The following STK31 variants were observed in gnomAD, a reference collection of about 807,000 sequenced individuals.
The protein encoded by STK31 is serine/threonine kinase 31.
STK31 carries 89 observed loss-of-function variants against 129.7 expected under a neutral mutation model. The observed-to-expected ratio is 0.69, with a 90% confidence interval of 0.58 to 0.82. The LOEUF is 0.82. Ranked by LOEUF, STK31 falls within the 40% of genes least tolerant of loss-of-function variation. The pLI is 0.00. For missense variants in STK31, 1,187 were observed against 1,176.4 expected, an observed-to-expected ratio of 1.01 and a Z score of -0.13; for synonymous variants, 448 against 395.3, an observed-to-expected ratio of 1.13 and a Z score of -1.58.
In STK31 at chr7:23,710,859, T is replaced by C. The variant is rs546945883; in HGVS notation, c.50+524T>C. 1.9e-5 allele frequency: 18 copies of C among 928,410 alleles called. No homozygotes were observed. In the South Asian group the frequency reaches 7.7e-4, roughly 40 times the overall value. 57.5% of individuals were successfully genotyped at this position (928,410 alleles called of 1,614,324 possible). ...AGATTTCCAAAGTAATTTTAACTTTTACTGAATTTAAGCCTTAATGCTTTC... is the reference window on the plus strand; with the variant it reads ...AGATTTCCAAAGTAATTTTAACTTTCACTGAATTTAAGCCTTAATGCTTTC... On this transcript the variant is annotated intron_variant, in intron 1 of 23. Coordinates refer to ENST00000355870, the MANE Select transcript of STK31 (RefSeq NM_031414.5).
intron 11 of STK31, among the ~76,000 whole-genome samples, chr7:23,765,034 CT>C (rs1257966974): frequency 6.6e-6 from 1 of 151,656 alleles, no homozygotes; most frequent in Non-Finnish European, 1.5e-5. Context: ...AACATCTTTT[CT>C]TTTTTTCTAT....
intron 23 of STK31, among the ~76,000 whole-genome samples, chr7:23,825,941 C>G (rs1356284774): frequency 2.0e-5 from 3 of 152,016 alleles, no homozygotes; most frequent in Non-Finnish European, 2.9e-5. Flanking sequence ...AGTTCTAGTT[C>G]ATTGCACTGT....
chr7:23,736,734 C>T (rs1562560048), intron 7 of STK31, among the ~76,000 whole-genome samples, 170 bp from the exon 8 acceptor site: 1 of 151,928 alleles, frequency 6.6e-6, no homozygotes, highest in Non-Finnish European at 1.5e-5. Context: ...GTTATAAAAT[C>T]TTGTTTGCAT....
intron 23 of STK31, among the ~76,000 whole-genome samples, chr7:23,827,678 TAG>T: frequency 6.6e-6 from 1 of 152,252 alleles, no homozygotes; most frequent in East Asian, 1.9e-4. Flanking sequence ...CTCTGATTTT[TAG>T]AGTTTCCGGT....
At chr7:23,717,168 A>G (rs1786394869) in intron 3 of STK31, among the ~76,000 whole-genome samples, 1 of 122,828 alleles carries the variant, frequency 8.1e-6, no homozygotes, top group African/African-American at 3.2e-5. Flanking sequence ...TCCCAGGATC[A>G]TCTTTTATTT....
Position 23,729,928 on chromosome 7 carries a change from A to G in STK31, c.483+679A>G, listed in dbSNP as rs138257856. Among the ~76,000 whole-genome samples the G allele has an allele frequency of 2.0e-3, 307 of 152,332 alleles. 1 individual carries two copies. The highest frequency in any genetic ancestry group is 7.1e-3 in the African/African-American group (294 of 41,574). ...CCTAGTCCTGGCCATAAATACCACA[A>G]ATTTGAAATTAATGGGGTTATAATT... On this transcript the variant is annotated intron_variant, in intron 6 of 23. Transcript: ENST00000355870.
chr7:23,746,054 A>G (rs976456264), intron 8 of STK31, among the ~76,000 whole-genome samples: 4 of 152,292 alleles, frequency 2.6e-5, no homozygotes, highest in African/African-American at 9.6e-5. Context: ...AGGAGATGTC[A>G]GCTTTGCTCC....
Position 23,717,362 on chromosome 7 carries a change from A to G in STK31, c.151-119A>G, listed in dbSNP as rs187636878. ...ATTATGAAAAAATACAGGCATAAGA[A>G]GTTGATTTAATTTCTAATGGCCTAA... On this transcript the variant is annotated intron_variant, in intron 3 of 23. Coordinates refer to ENST00000355870, the MANE Select transcript of STK31 (RefSeq NM_031414.5). 1.6e-4 allele frequency: 91 copies of G among 558,840 alleles called. No individual in the cohort carries two copies. The African/African-American group carries it at 1.6e-3, about 10-fold the overall frequency. The allele number at this position is 558,840 out of a possible 1,614,324, so 34.6% of individuals were successfully genotyped here.
At chr7:23,712,410 T>G (rs1373476649) in intron 3 of STK31, 124 bp downstream of exon 3, 1 of 926,208 alleles carries the variant, frequency 1.1e-6, no homozygotes, top group Non-Finnish European at 1.7e-6. Flanking sequence ...ATTTATTGAA[T>G]TATTTATCAC....
intron 22 of STK31, among the ~76,000 whole-genome samples, chr7:23,793,328 C>G (rs545632939): frequency 1.3e-5 from 2 of 152,180 alleles, no homozygotes; most frequent in Admixed American, 6.5e-5. Flanking sequence ...ATTTGACTTT[C>G]GATTTGGCAA....
chr7:23,824,732 G>A (rs1208585626), intron 23 of STK31, among the ~76,000 whole-genome samples: 1 of 152,040 alleles, frequency 6.6e-6, no homozygotes, highest in African/African-American at 2.4e-5. Flanking sequence ...TTGGCTGTGG[G>A]TTTGTCATAG....
chr7:23,823,582 G>A (rs1383570778), intron 23 of STK31, among the ~76,000 whole-genome samples: 1 of 152,120 alleles, frequency 6.6e-6, no homozygotes, highest in Non-Finnish European at 1.5e-5. Flanking sequence ...CTTTTGCTGT[G>A]CAGAAGCTCT....
chr7:23,769,524 C>T (rs1005518012), intron 12 of STK31, 116 bp from the exon 13 acceptor site: 13 of 684,988 alleles, frequency 1.9e-5, no homozygotes, highest in Non-Finnish European at 2.8e-5. Flanking sequence ...TTCCTGCATT[C>T]CTAGTTCTTT....
chr7:23,788,724 A>G (rs1197175206), intron 21 of STK31, among the ~76,000 whole-genome samples: 1 of 152,164 alleles, frequency 6.6e-6, no homozygotes, highest in Non-Finnish European at 1.5e-5. Flanking sequence ...TAAAAATTGT[A>G]TATATTTATC....
intron 8 of STK31, among the ~76,000 whole-genome samples, chr7:23,745,382 G>T (rs901302839): frequency 1.3e-5 from 2 of 152,204 alleles, no homozygotes; most frequent in Non-Finnish European, 2.9e-5. Context: ...ATGCTTGAGT[G>T]GGGGTGGCAG....
At chr7:23,742,975 CAG>C (rs1788142522) in intron 8 of STK31, among the ~76,000 whole-genome samples, 2 of 137,354 alleles carry the variant, frequency 1.5e-5, no homozygotes, top group African/African-American at 5.5e-5. Flanking sequence ...TTTTTTGAGA[CAG>C]AGTCTTGCTC....
At chr7:23,792,560 C>T (rs543244755) in intron 22 of STK31, among the ~76,000 whole-genome samples, 2 of 152,208 alleles carry the variant, frequency 1.3e-5, no homozygotes, top group East Asian at 1.9e-4. Context: ...GATGCAATTT[C>T]AACAAAATTG....
At chr7:23,726,117 A>T (rs1787051401) in intron 4 of STK31, 1 of 152,230 alleles carries the variant, frequency 6.6e-6, no homozygotes, top group South Asian at 2.1e-4. Context: ...ATTGGGAATC[A>T]GATTTTAACA....
At chr7:23,756,493 T>A (rs558761985) in intron 10 of STK31, among the ~76,000 whole-genome samples, 1 of 152,308 alleles carries the variant, frequency 6.6e-6, no homozygotes, top group East Asian at 1.9e-4. Context: ...TATTTCTTTC[T>A]CTTGCCTGAT....
Sources: allele counts gnomAD v4.1 joint callset (sites outside exome capture counted in the v4.1 genomes callset), GRCh38; gene constraint gnomAD v4.1.1; transcripts MANE v1.5; gene names NCBI Gene and HGNC (gene_info 2026-07-23, HGNC 2026-07-21).